Variants in SUSD5 observed in about 807,000 individuals in gnomAD.
SUSD5 encodes sushi domain containing 5.
SUSD5 carries 33 observed loss-of-function variants against 29.5 expected under a neutral mutation model. The ratio of observed to expected loss-of-function variants is 1.12; its 90% CI spans 0.85 to 1.49. The LOEUF is 1.49. Ranked by LOEUF, SUSD5 falls within the 40% of genes most tolerant of loss-of-function variation. SUSD5 has a pLI of 0.00. For synonymous variants in SUSD5, 308 were observed against 325.3 expected (o/e 0.95, Z 0.57); for missense variants, 776 against 800.6 (o/e 0.97, Z 0.37).
Position 33,207,874 on chromosome 3 carries a change from C to T in SUSD5, c.343G>A (p.Asp115Asn), listed in dbSNP as rs759960357. 9.3e-6 allele frequency: 15 copies of T among 1,613,954 alleles called. No individual in the cohort carries two copies. The highest frequency in any genetic ancestry group is 2.2e-5 in the East Asian group (1 of 44,874). Reference sequence around the variant, plus strand: ...ACTGGGTTGCTCTCAATTCTCACATCGACAGCTCTCATGATTTGCTGTTCT... The same window carrying T: ...ACTGGGTTGCTCTCAATTCTCACATTGACAGCTCTCATGATTTGCTGTTCT... ...SGEQQIMRAV[D>N]VRIESNPVPG... Residue 115 changes from aspartate to asparagine, a missense_variant, in exon 3 of 5, where the codon GAT becomes AAT. Physicochemically the swap from Asp to Asn is conservative, Grantham distance 23 (BLOSUM62 1). Transcript: ENST00000309558.
At position 33,212,518 on chromosome 3, in the gene SUSD5, C is replaced by T. The variant is rs6776093; in HGVS notation, c.290+1410G>A. On this transcript the variant is annotated intron_variant, in intron 2 of 4. Transcript: ENST00000309558. The stretch of plus-strand genomic sequence containing the variant: ...GCCACAGCAGGAATGGCTAGTCTTG[C>T]GTATAATGTCTAGGGGCTGAGCTGG... Among the ~76,000 whole-genome samples the T allele has an allele frequency of 6.0e-3, 913 of 152,302 alleles. 7 individuals carry two copies. Among genetic ancestry groups the T allele is most frequent in the African/African-American group, 0.021 (853 of 41,566 alleles).
chr3:33,218,718 A>G lies in SUSD5; in HGVS notation c.80T>C (p.Leu27Pro). The G allele has an allele frequency of 7.5e-7, 1 of 1,338,678 alleles. No individual in the cohort carries two copies. The highest frequency in any genetic ancestry group is 9.5e-7 in the Non-Finnish European group (1 of 1,048,888). 82.9% of individuals were successfully genotyped at this position (1,338,678 alleles called of 1,614,324 possible). ...PGLWAAALLL[L>P]GLPRLSVRAD... ...CCGCACCGAAAGGCGCGGCAGACCGAGCAGGAGCAGCGCCGCCGCCCAGAG... is the reference window on the plus strand; with the variant it reads ...CCGCACCGAAAGGCGCGGCAGACCGGGCAGGAGCAGCGCCGCCGCCCAGAG... The change falls in exon 1 of 5, where the codon CTC (leucine) becomes CCC (proline). Residue 27 changes from leucine to proline, a missense_variant. Coordinates refer to ENST00000309558, the MANE Select transcript of SUSD5 (RefSeq NM_015551.2).
rs893546796 is a variant in SUSD5 at position 33,150,612 on chromosome 3, T to G, written c.*2130A>C. 2.0e-5 allele frequency: 3 copies of G among 152,254 alleles called. No homozygotes were observed. Among genetic ancestry groups the G allele is most frequent in the Admixed American group, 6.5e-5 (1 of 15,288 alleles). 9.4% of individuals were successfully genotyped at this position (152,254 alleles called of 1,614,324 possible). A position where few individuals can be genotyped will look rare whatever the true frequency, so the allele number is the denominator to read the frequency against. ...GAAAGCATTTTATTCCTATTGTTCT[T>G]GACTTCGTCTGATGCACAGGTATTC... On this transcript the variant is annotated 3_prime_UTR_variant, in exon 5 of 5. Coordinates refer to ENST00000309558, the MANE Select transcript of SUSD5 (RefSeq NM_015551.2).
At chr3:33,195,910 A>T (rs2031986259) in intron 3 of SUSD5, among the ~76,000 whole-genome samples, 1 of 152,224 alleles carries the variant, frequency 6.6e-6, no homozygotes, top group Non-Finnish European at 1.5e-5. Flanking sequence ...CACTAAAATG[A>T]CCACATATTC....
At position 33,152,961 on chromosome 3, in the gene SUSD5, G is replaced by A; in HGVS notation, c.1671C>T (p.Pro557=). The change falls in exon 5 of 5, where the codon CCC becomes CCT. Residue 557 remains proline (P), a synonymous_variant. Transcript: ENST00000309558. Reference sequence around the variant, plus strand: ...CGTCCCCCACACACGACTCCAAGGTGGGATGAAGCTCCTCACTTGCACCTG... The same window carrying A: ...CGTCCCCCACACACGACTCCAAGGTAGGATGAAGCTCCTCACTTGCACCTG... ...PGPGASEELH[P]TLESCVGDGC... 1.2e-6 allele frequency: 2 copies of A among 1,613,994 alleles called. No individual in the cohort carries two copies. The highest frequency in any genetic ancestry group is 8.5e-7 in the Non-Finnish European group (1 of 1,179,876).
At chr3:33,195,708 T>C (rs2031981526) in intron 3 of SUSD5, among the ~76,000 whole-genome samples, 1 of 150,508 alleles carries the variant, frequency 6.6e-6, no homozygotes, top group African/African-American at 2.4e-5. Context: ...GCATATTCAA[T>C]GTCATGGGGA....
chr3:33,208,512 A>G (rs2032265705), intron 2 of SUSD5, among the ~76,000 whole-genome samples: 1 of 152,142 alleles, frequency 6.6e-6, no homozygotes, highest in African/African-American at 2.4e-5. Context: ...CCTGTCTACT[A>G]ATACTTAATT....
rs754838826 is a variant in SUSD5, at chr3:33,207,931, A to C, written c.291-5T>G. Reference sequence around the variant, plus strand: ...CCTTTGCTACACACAGTTGTTCTGAAATAGACAAAAAAGGCACTGAATGAG... The same window carrying C: ...CCTTTGCTACACACAGTTGTTCTGACATAGACAAAAAAGGCACTGAATGAG... On this transcript the variant is annotated splice_polypyrimidine_tract_variant and splice_region_variant and intron_variant, in intron 2 of 4. Coordinates refer to ENST00000309558, the MANE Select transcript of SUSD5 (RefSeq NM_015551.2). 6.2e-7 allele frequency: 1 copy of C among 1,609,446 alleles called. No homozygotes were observed.
At chr3:33,198,032 T>C (rs897920370) in intron 3 of SUSD5, among the ~76,000 whole-genome samples, 11 of 152,202 alleles carry the variant, frequency 7.2e-5, no homozygotes, top group African/African-American at 2.7e-4. Context: ...AATACATGTA[T>C]ATATATGCAT....
At chr3:33,175,567 A>AT (rs1303873924) in intron 3 of SUSD5, among the ~76,000 whole-genome samples, 1 of 151,560 alleles carries the variant, frequency 6.6e-6, no homozygotes, top group Admixed American at 6.6e-5. Flanking sequence ...CACACACTAT[A>AT]TATATATATA....
chr3:33,213,929 C>G lies in SUSD5; in HGVS notation c.289G>C (p.Gly97Arg). 6.3e-7 allele frequency: 1 copy of G among 1,593,640 alleles called. No individual in the cohort carries two copies. The highest frequency in any genetic ancestry group is 8.6e-7 in the Non-Finnish European group (1 of 1,168,522). Residue 97 changes from glycine to arginine, a missense_variant and splice_region_variant, in exon 2 of 5, where the codon GGA (glycine) becomes CGA (arginine). Transcript: ENST00000309558. Reference protein sequence around the residue: ...TTGWLADGTLGTTVCSKGSGE... With the variant: ...TTGWLADGTLRTTVCSKGSGE... Reference sequence around the variant, plus strand: ...AAAAGGAGTGCTCGCCTAACTTACCCAAGAGTACCATCTGCTAGCCAGCCA... The same window carrying G: ...AAAAGGAGTGCTCGCCTAACTTACCGAAGAGTACCATCTGCTAGCCAGCCA...
intron 4 of SUSD5, among the ~76,000 whole-genome samples, chr3:33,164,529 A>G (rs2031264357): frequency 6.6e-6 from 1 of 152,196 alleles, no homozygotes; most frequent in Non-Finnish European, 1.5e-5. Context: ...GGGAAGGATT[A>G]ATAAGTTATA....
chr3:33,214,282 C>T (rs72861049), intron 1 of SUSD5, among the ~76,000 whole-genome samples, 177 bp from the exon 2 acceptor site: 406 of 152,138 alleles, frequency 2.7e-3, no homozygotes, highest in African/African-American at 9.2e-3. Context: ...CTAGCATTTT[C>T]GTCTTTTTTT....
At chr3:33,186,479 T>A (rs1223019489) in intron 3 of SUSD5, among the ~76,000 whole-genome samples, 1 of 150,004 alleles carries the variant, frequency 6.7e-6, no homozygotes, top group Non-Finnish European at 1.5e-5. Flanking sequence ...CTGGATGGAG[T>A]GCAGTGGTGT....
chr3:33,197,908 A>C (rs2032024895), intron 3 of SUSD5, among the ~76,000 whole-genome samples: 1 of 152,082 alleles, frequency 6.6e-6, no homozygotes, highest in Non-Finnish European at 1.5e-5. Flanking sequence ...TTGGGCTTTT[A>C]TGATAAAATT....
chr3:33,153,004 C>T lies in SUSD5; in HGVS notation c.1628G>A (p.Gly543Glu), dbSNP rs1454059607. The T allele has an allele frequency of 6.2e-7, 1 of 1,613,696 alleles. No individual in the cohort carries two copies. Among genetic ancestry groups the T allele is most frequent in the East Asian group, 2.2e-5 (1 of 44,882 alleles). ...FPYLLSEDFFGQEGPGPGASE... is the reference protein window; with the variant it reads ...FPYLLSEDFFEQEGPGPGASE... ...TGCACCTGGCCCGGGGCCTTCCTGT[C>T]CAAAGAAGTCTTCAGACAGCAGGTA... Residue 543 changes from glycine to glutamate, a missense_variant, in exon 5 of 5, where the codon GGA (glycine) becomes GAA (glutamate). By Grantham distance (98) the Gly-to-Glu change is moderately conservative. Coordinates refer to ENST00000309558, the MANE Select transcript of SUSD5 (RefSeq NM_015551.2).
chr3:33,168,176 C>T (rs1485263154), intron 4 of SUSD5, among the ~76,000 whole-genome samples: 1 of 152,172 alleles, frequency 6.6e-6, no homozygotes. Flanking sequence ...ATCTGGGGTT[C>T]TCCCAGGGCT....
intron 4 of SUSD5, among the ~76,000 whole-genome samples, chr3:33,159,486 G>A (rs1424475196): frequency 2.0e-5 from 3 of 151,972 alleles, no homozygotes; most frequent in Non-Finnish European, 4.4e-5. Flanking sequence ...CTTGCTTCTG[G>A]CTGCCCGTCC....
In SUSD5 at chr3:33,153,651, T is replaced by A; in HGVS notation, c.981A>T (p.Val327=). 1 of 1,614,074 alleles carries A rather than the reference T, an allele frequency of 6.2e-7. No individual in the cohort carries two copies. Among genetic ancestry groups the A allele is most frequent in the Non-Finnish European group, 8.5e-7 (1 of 1,179,902 alleles). Residue 327 remains valine (V), a synonymous_variant, in exon 5 of 5, where the codon GTA becomes GTT. Coordinates refer to ENST00000309558, the MANE Select transcript of SUSD5 (RefSeq NM_015551.2). ...TTTCAGGTTCACCTGGGACCAATTT[T>A]ACACCACTGTGGTTGTCTCCAGCAG... The part of the protein sequence containing the change: ...QFSAGDNHSG[V]KLVPGEPETK...
Sources: allele counts gnomAD v4.1 joint callset (sites outside exome capture counted in the v4.1 genomes callset), GRCh38; gene constraint gnomAD v4.1.1; transcripts MANE v1.5; gene names NCBI Gene and HGNC (gene_info 2026-07-23, HGNC 2026-07-21).